The following TADA2A variants were observed in gnomAD, a reference collection of about 807,000 sequenced individuals.
TADA2A encodes the protein transcriptional adapter 2-alpha.
In TADA2A, 38 loss-of-function variants were observed where a neutral mutation model predicts 67.4. The observed-to-expected ratio is 0.56, with a 90% CI of 0.44 to 0.74. The LOEUF is 0.74. Among genes scored for constraint, TADA2A ranks in the 30% least tolerant of loss-of-function variants. TADA2A has a pLI of 0.00. For synonymous variants in TADA2A, 192 were observed against 181.6 expected (o/e 1.06, Z -0.46); for missense variants, 454 against 547.0 (o/e 0.83, Z 1.70).
At chr17:37,463,787 C>T (rs1597933755) in intron 10 of TADA2A, among the ~76,000 whole-genome samples, 1 of 151,034 alleles carries the variant, frequency 6.6e-6, no homozygotes, top group African/African-American at 2.4e-5. Context: ...TCCATCTCTA[C>T]TAAAAAATAA....
At chr17:37,464,460 G>A (rs988768741) in intron 10 of TADA2A, among the ~76,000 whole-genome samples, 1 of 152,066 alleles carries the variant, frequency 6.6e-6, no homozygotes, top group Non-Finnish European at 1.5e-5. Context: ...ATAAATTTTG[G>A]CCATAATTCT....
chr17:37,463,279 G>A (rs935250667), intron 10 of TADA2A, among the ~76,000 whole-genome samples: 2 of 152,056 alleles, frequency 1.3e-5, no homozygotes, highest in African/African-American at 4.8e-5. Context: ...TAATAGTTGT[G>A]TGTCATAATA....
At chr17:37,418,336 C>G (rs2147912825) in intron 2 of TADA2A, among the ~76,000 whole-genome samples, 1 of 152,222 alleles carries the variant, frequency 6.6e-6, no homozygotes, top group Admixed American at 6.5e-5. Flanking sequence ...TGTAGGATAC[C>G]TAGAATCCCT....
In TADA2A at chr17:37,423,563, C is replaced by G. The variant is rs1208495585; in HGVS notation, c.80C>G (p.Pro27Arg). ...CRGCSSYLME[P>R]YIKCAECGPP... is the part of the protein sequence containing the mutation. Reference sequence around the variant, plus strand: ...GGCTGCTCCTCCTACCTCATGGAGCCTTATATCAAGTGTGCTGAATGTGGG... The same window carrying G: ...GGCTGCTCCTCCTACCTCATGGAGCGTTATATCAAGTGTGCTGAATGTGGG... Residue 27 changes from proline (P) to arginine (R), a missense_variant, in exon 3 of 16, where the codon CCT (proline) becomes CGT (arginine). Pro to Arg is a moderately radical substitution (Grantham distance 103, BLOSUM62 -2). Around this residue, in one of 2 missense-constraint regions of TADA2A, gnomAD observed 403 missense variants for 455.5 expected, o/e 0.88. Transcript: ENST00000615182. 4 of 1,613,472 alleles carry G rather than the reference C, an allele frequency of 2.5e-6. No homozygotes were observed.
chr17:37,457,023 C>T (rs2053410998), intron 8 of TADA2A, among the ~76,000 whole-genome samples: 1 of 152,116 alleles, frequency 6.6e-6, no homozygotes, highest in Non-Finnish European at 1.5e-5. Context: ...GAACTTTTCA[C>T]TACAGAATGC....
chr17:37,442,145 G>C (rs945430482), intron 6 of TADA2A, among the ~76,000 whole-genome samples: 13 of 151,304 alleles, frequency 8.6e-5, no homozygotes, highest in African/African-American at 3.2e-4. Context: ...GTGTGTTGGA[G>C]CTAGGACTTA....
intron 4 of TADA2A, among the ~76,000 whole-genome samples, chr17:37,430,216 C>G (rs2052530501): frequency 6.6e-6 from 1 of 152,160 alleles, no homozygotes; most frequent in Non-Finnish European, 1.5e-5. Context: ...TTACATCATC[C>G]TTTTCTCACG....
intron 8 of TADA2A, among the ~76,000 whole-genome samples, chr17:37,457,306 G>C (rs1296710624): frequency 6.8e-6 from 1 of 146,226 alleles, no homozygotes; most frequent in South Asian, 2.2e-4. Context: ...TCAGCCTCCC[G>C]AGTAGCTGGG....
At chr17:37,466,964 C>T (rs1339270329) in intron 11 of TADA2A, among the ~76,000 whole-genome samples, 2 of 152,126 alleles carry the variant, frequency 1.3e-5, no homozygotes, top group Non-Finnish European at 1.5e-5. Flanking sequence ...CGAGACCAAC[C>T]TGGCCATCAT....
At chr17:37,423,713 T>G in intron 3 of TADA2A, 98 bp downstream of exon 3, 1 of 817,454 alleles carries the variant, frequency 1.2e-6, no homozygotes, top group South Asian at 2.1e-5. Flanking sequence ...GAGATCTATG[T>G]CTTATTAAAT....
At chr17:37,455,832 T>C (rs1193838182) in intron 8 of TADA2A, among the ~76,000 whole-genome samples, 1 of 152,218 alleles carries the variant, frequency 6.6e-6, no homozygotes, top group Non-Finnish European at 1.5e-5. Flanking sequence ...GGATCCCTGC[T>C]GTGTACTTAA....
At chr17:37,454,784 G>A in intron 8 of TADA2A, 1 of 267,436 alleles carries the variant, frequency 3.7e-6, no homozygotes. Context: ...AGTTAAAAAG[G>A]CTCAATGAAA....
intron 2 of TADA2A, among the ~76,000 whole-genome samples, chr17:37,415,199 A>G (rs1450539074): frequency 6.6e-6 from 1 of 152,176 alleles, no homozygotes; most frequent in East Asian, 1.9e-4. Context: ...TCTTATAGGA[A>G]AGATAGCATA....
At position 37,421,634 on chromosome 17, in the gene TADA2A, T is replaced by C. The variant is rs996228226; in HGVS notation, c.26-1875T>C. Among the ~76,000 whole-genome samples the C allele has an allele frequency of 1.4e-4, 20 of 144,440 alleles. 1 individual carries two copies. The highest frequency in any genetic ancestry group is 5.0e-4 in the African/African-American group (20 of 39,998). The allele number at this position is 144,440 out of a possible 152,430, so 94.8% of individuals were successfully genotyped here. On this transcript the variant is annotated intron_variant, in intron 2 of 15. Transcript: ENST00000615182. ...ACTCTTGTCTCTACAGAAAATAAAT[T>C]TTAAAAAAGTACCCGGGTGTGGTGG... is the stretch of plus-strand genomic sequence containing the variant.
chr17:37,431,206 T>C (rs1259942400), intron 4 of TADA2A, among the ~76,000 whole-genome samples: 4 of 152,180 alleles, frequency 2.6e-5, no homozygotes, highest in African/African-American at 9.6e-5. Context: ...TCTATTGCTA[T>C]GTAACAGCTA....
At chr17:37,457,544 C>G (rs1203011118) in intron 8 of TADA2A, among the ~76,000 whole-genome samples, 6 of 128,596 alleles carry the variant, frequency 4.7e-5, no homozygotes, top group African/African-American at 1.5e-4. Flanking sequence ...TTGCCCCAGG[C>G]TGGAGTGTAG....
chr17:37,432,459 G>A (rs1038589882), intron 4 of TADA2A, among the ~76,000 whole-genome samples: 3 of 152,172 alleles, frequency 2.0e-5, no homozygotes, highest in Non-Finnish European at 4.4e-5. Context: ...GAGCCACCGC[G>A]CCTGGACTCA....
intron 3 of TADA2A, among the ~76,000 whole-genome samples, chr17:37,425,594 T>C (rs1200649843): frequency 6.6e-6 from 1 of 152,168 alleles, no homozygotes; most frequent in Admixed American, 6.6e-5. Flanking sequence ...AATGTAAAAC[T>C]GGCTGATGAA....
chr17:37,461,642 A>C (rs1329977019), intron 9 of TADA2A, among the ~76,000 whole-genome samples: 1 of 152,232 alleles, frequency 6.6e-6, no homozygotes, highest in Non-Finnish European at 1.5e-5. Context: ...GTGTTGTGTG[A>C]ATGCACAGTT....
Sources: gnomAD v4.1 joint callset for allele counts (sites outside exome capture counted in the v4.1 genomes callset) on GRCh38, gnomAD v4.1.1 for gene constraint, gnomAD v4.1.1 regional missense constraint, MANE v1.5 for transcripts, NCBI Gene and HGNC (gene_info 2026-07-23, HGNC 2026-07-21) for gene names.